The following SESTD1 variants were observed in gnomAD, a reference collection of about 807,000 sequenced individuals.
SESTD1 encodes the protein SEC14 and spectrin domain containing 1, also known as SEC14 domain and spectrin repeat-containing protein 1.
A neutral mutation model predicts 101.7 loss-of-function variants in SESTD1; 43 were observed. That is an observed-to-expected ratio of 0.42 (90% CI 0.33 to 0.55). SESTD1 has a LOEUF of 0.55. SESTD1 is among the 20% of genes least tolerant of loss of function. SESTD1 has a pLI of 0.07. For missense variants in SESTD1, 647 were observed against 815.1 expected, an observed-to-expected ratio of 0.79 and a Z score of 2.51; for synonymous variants, 283 against 286.8, an observed-to-expected ratio of 0.99 and a Z score of 0.13.
At chr2:179,262,257 T>C (rs1043486046) in intron 1 of SESTD1, among the ~76,000 whole-genome samples, 42 of 152,296 alleles carry the variant, frequency 2.8e-4, no homozygotes, top group African/African-American at 9.6e-4. Flanking sequence ...TTTAGGGTAA[T>C]AACGTTCTTG....
chr2:179,158,977 A>T (rs957604793), intron 5 of SESTD1, among the ~76,000 whole-genome samples: 2 of 151,966 alleles, frequency 1.3e-5, no homozygotes, highest in Non-Finnish European at 2.9e-5. Flanking sequence ...CAATAATCTC[A>T]TTTTTGTTTA....
intron 1 of SESTD1, among the ~76,000 whole-genome samples, chr2:179,218,800 A>G (rs967107864): frequency 3.3e-5 from 5 of 152,206 alleles, no homozygotes; most frequent in African/African-American, 9.7e-5. Flanking sequence ...AAGGGCAGAG[A>G]CCACGTCATT....
chr2:179,185,682 T>TATATATAATATAGTATATTATATACA (rs1553522138), intron 2 of SESTD1, among the ~76,000 whole-genome samples: 35,751 of 106,358 alleles, frequency 0.34, 7,611 homozygotes, highest in East Asian at 0.69. Context: ...TATAGCATAT[T>TATATATAATATAGTATATTATATACA]ATATATAATA....
At chr2:179,160,578 T>C (rs949022375) in intron 5 of SESTD1, among the ~76,000 whole-genome samples, 5 of 152,036 alleles carry the variant, frequency 3.3e-5, no homozygotes, top group Admixed American at 6.5e-5. Flanking sequence ...GACCAATTGA[T>C]AGAAACATCA....
At chr2:179,185,992 A>G (rs985464235) in intron 2 of SESTD1, among the ~76,000 whole-genome samples, 6 of 143,910 alleles carry the variant, frequency 4.2e-5, no homozygotes, top group Admixed American at 1.4e-4. Context: ...ATTATATACA[A>G]TATATAATAC....
intron 2 of SESTD1, among the ~76,000 whole-genome samples, chr2:179,186,117 GACATA>G (rs1353666694): frequency 6.7e-6 from 1 of 149,470 alleles, no homozygotes; most frequent in Admixed American, 6.7e-5. Flanking sequence ...ATTATACAGA[GACATA>G]ACATACTTTG....
At position 179,123,858 on chromosome 2, in the gene SESTD1, C is replaced by A. The variant is rs747154906; in HGVS notation, c.1168-29G>T. On this transcript the variant is annotated intron_variant, in intron 11 of 17. Coordinates refer to ENST00000428443, the MANE Select transcript of SESTD1 (RefSeq NM_178123.5). Reference sequence around the variant, plus strand: ...AAGCAGAGGGACACCAAAGAGATAACCCTGATGTAATCAGCATCTAAAGTG... The same window carrying A: ...AAGCAGAGGGACACCAAAGAGATAAACCTGATGTAATCAGCATCTAAAGTG... 5.3e-6 allele frequency: 8 copies of A among 1,510,290 alleles called. 2 individuals are homozygous for A. In the Middle Eastern group the frequency reaches 5.1e-4, roughly 96 times the overall value. 93.6% of individuals were successfully genotyped at this position (1,510,290 alleles called of 1,614,324 possible). A position where few individuals can be genotyped will look rare whatever the true frequency, so the allele number is the denominator to read the frequency against.
At chr2:179,221,465 T>G (rs970524732) in intron 1 of SESTD1, among the ~76,000 whole-genome samples, 1 of 151,408 alleles carries the variant, frequency 6.6e-6, no homozygotes, top group Non-Finnish European at 1.5e-5. Flanking sequence ...ATACAAAAAT[T>G]AGCCAGGCGT....
At chr2:179,217,106 T>C (rs1326988368) in intron 1 of SESTD1, among the ~76,000 whole-genome samples, 1 of 152,044 alleles carries the variant, frequency 6.6e-6, no homozygotes, top group East Asian at 1.9e-4. Context: ...CCAAAAGCAA[T>C]GGCAACAAAA....
chr2:179,117,747 T>C (rs2154393853), intron 13 of SESTD1, 134 bp from the exon 14 acceptor site: 1 of 592,412 alleles, frequency 1.7e-6, no homozygotes, highest in Non-Finnish European at 2.7e-6. Flanking sequence ...GCAAGTATTT[T>C]GTATTGATTT....
intron 1 of SESTD1, among the ~76,000 whole-genome samples, chr2:179,222,299 G>A (rs1489189226): frequency 3.9e-5 from 6 of 152,174 alleles, no homozygotes; most frequent in Non-Finnish European, 7.3e-5. Context: ...CTAGCTATGT[G>A]GTTTTGGCAA....
chr2:179,129,048 T>C (rs978866726), intron 10 of SESTD1, among the ~76,000 whole-genome samples: 3 of 152,196 alleles, frequency 2.0e-5, no homozygotes, highest in African/African-American at 4.8e-5. Context: ...TGAATCCATA[T>C]GTAGGCAGAA....
chr2:179,196,786 T>C (rs1411679833), intron 1 of SESTD1, among the ~76,000 whole-genome samples: 1 of 152,064 alleles, frequency 6.6e-6, no homozygotes, highest in Non-Finnish European at 1.5e-5. Flanking sequence ...AGAAAGGACA[T>C]CCACACCAAA....
chr2:179,169,925 G>A (rs937300479), intron 5 of SESTD1, among the ~76,000 whole-genome samples: 1 of 150,794 alleles, frequency 6.6e-6, no homozygotes, highest in African/African-American at 2.5e-5. Flanking sequence ...AGTGAGCCGA[G>A]GTTGCACCAC....
In SESTD1 at chr2:179,116,779, C is replaced by A. The variant is rs1456743898; in HGVS notation, c.1536G>T (p.Trp512Cys). The A allele has an allele frequency of 6.2e-7, 1 of 1,613,674 alleles. No individual in the cohort carries two copies. The highest frequency in any genetic ancestry group is 1.3e-5 in the African/African-American group (1 of 74,916). The change falls in exon 15 of 18, where the codon TGG becomes TGT. Residue 512 changes from tryptophan to cysteine, a missense_variant. Trp to Cys is a radical substitution (Grantham distance 215). Around this residue, in one of 3 missense-constraint regions of SESTD1, gnomAD observed 476 missense variants for 562.6 expected, o/e 0.85. Transcript: ENST00000428443. Reference sequence around the variant, plus strand: ...GCAGAGCATCCAGAAGTTCACTTAGCCATTCTACTGCCTAAACAAAAAGAC... The same window carrying A: ...GCAGAGCATCCAGAAGTTCACTTAGACATTCTACTGCCTAAACAAAAAGAC... ...CEEDAAQAVE[W>C]LSELLDALLK...
chr2:179,132,348 G>A lies in SESTD1; in HGVS notation c.928C>T (p.Gln310Ter). ...TCTTCGTGTTTCTGCTGTAGGGCCT[G>A]GGAGGCCCTAATGGAGTCTCCAATG... is the stretch of plus-strand genomic sequence containing the variant. ...WGIGDSIRAS[Q>*]ALQQKHEEIE... Residue 310 changes from glutamine to a stop codon, truncating the protein, a stop_gained, in exon 10 of 18, where the codon CAG (glutamine) becomes TAG (stop). Transcript: ENST00000428443. LOFTEE classifies it high-confidence loss of function. The A allele has an allele frequency of 6.4e-7, 1 of 1,564,580 alleles. No individual in the cohort carries two copies. Among genetic ancestry groups the A allele is most frequent in the Non-Finnish European group, 8.6e-7 (1 of 1,165,246 alleles).
intron 10 of SESTD1, among the ~76,000 whole-genome samples, chr2:179,127,933 T>C (rs761727800): frequency 3.9e-5 from 6 of 152,216 alleles, no homozygotes; most frequent in Non-Finnish European, 8.8e-5. Flanking sequence ...TACTTACATA[T>C]CATTAAATGC....
At chr2:179,225,230 G>A (rs571461451) in intron 1 of SESTD1, among the ~76,000 whole-genome samples, 5 of 152,174 alleles carry the variant, frequency 3.3e-5, no homozygotes, top group Admixed American at 6.5e-5. Context: ...GAAGTGAAGC[G>A]TTCTATGTTG....
intron 10 of SESTD1, among the ~76,000 whole-genome samples, chr2:179,131,157 A>C (rs1282349412): frequency 6.6e-6 from 1 of 152,154 alleles, no homozygotes; most frequent in African/African-American, 2.4e-5. Context: ...AGGGTATAGT[A>C]GTAGATTTTC....
Sources: allele counts gnomAD v4.1 joint callset (sites outside exome capture counted in the v4.1 genomes callset), GRCh38; gene constraint gnomAD v4.1.1; regional missense constraint gnomAD v4.1.1; transcripts MANE v1.5; gene names NCBI Gene and HGNC (gene_info 2026-07-23, HGNC 2026-07-21).